Variants in SNTG1 observed in about 807,000 individuals in gnomAD.
The protein encoded by SNTG1 is syntrophin gamma 1, also known as gamma-1-syntrophin.
A neutral mutation model predicts 74.7 loss-of-function variants in SNTG1; 39 were observed. The ratio of observed to expected loss-of-function variants is 0.52; its 90% CI spans 0.40 to 0.68. SNTG1 has a LOEUF of 0.68. SNTG1 is among the 30% of genes least tolerant of loss of function. SNTG1 has a pLI of 0.00. For synonymous variants in SNTG1, 254 were observed against 217.1 expected (o/e 1.17, Z -1.49); for missense variants, 685 against 609.5 (o/e 1.12, Z -1.30).
intron 1 of SNTG1, among the ~76,000 whole-genome samples, chr8:49,985,196 G>C (rs1032232814): frequency 1.3e-5 from 2 of 152,076 alleles, no homozygotes; most frequent in African/African-American, 2.4e-5. Flanking sequence ...TTTTGAGACA[G>C]GGTCTCACTC....
intron 11 of SNTG1, among the ~76,000 whole-genome samples, chr8:50,548,168 G>A (rs1278744343): frequency 6.6e-6 from 1 of 152,164 alleles, no homozygotes; most frequent in Non-Finnish European, 1.5e-5. Flanking sequence ...TATTCATTTA[G>A]TTAAACTGGA....
chr8:50,510,929 G>C (rs113207415), intron 9 of SNTG1, among the ~76,000 whole-genome samples: 8,281 of 152,070 alleles, frequency 0.054, 428 homozygotes, highest in African/African-American at 0.13. Flanking sequence ...TTTCTGCTCT[G>C]ATCTTAGTTA....
intron 1 of SNTG1, among the ~76,000 whole-genome samples, chr8:49,962,419 A>G (rs971585058): frequency 1.3e-5 from 2 of 151,844 alleles, no homozygotes; most frequent in African/African-American, 4.8e-5. Flanking sequence ...TGTAATGGGC[A>G]GATGCTCACA....
intron 1 of SNTG1, among the ~76,000 whole-genome samples, chr8:50,089,102 C>T (rs1466833498): frequency 5.3e-5 from 8 of 151,246 alleles, no homozygotes; most frequent in Non-Finnish European, 8.9e-5. Flanking sequence ...AATAACGCCG[C>T]ATATCTACAA....
intron 1 of SNTG1, among the ~76,000 whole-genome samples, chr8:50,041,845 G>C (rs188332744): frequency 2.6e-5 from 4 of 152,290 alleles, no homozygotes; most frequent in East Asian, 3.9e-4. Flanking sequence ...ATTGGTTACT[G>C]TTCTTTCCTG....
chr8:50,625,011 CT>C (rs2094947682), intron 13 of SNTG1, among the ~76,000 whole-genome samples: 1 of 152,164 alleles, frequency 6.6e-6, no homozygotes, highest in Admixed American at 6.5e-5. Flanking sequence ...TTCAGCATTT[CT>C]TTTGCTCTTC....
chr8:50,671,843 A>G (rs995001605), intron 15 of SNTG1, among the ~76,000 whole-genome samples: 1 of 151,902 alleles, frequency 6.6e-6, no homozygotes, highest in Admixed American at 6.6e-5. Context: ...GCACATATAC[A>G]CCATGGAATA....
intron 1 of SNTG1, among the ~76,000 whole-genome samples, chr8:50,126,808 G>A (rs932451938): frequency 5.9e-5 from 9 of 152,028 alleles, no homozygotes; most frequent in African/African-American, 2.2e-4. Context: ...AAGCCCATGA[G>A]CTATATGGGC....
At chr8:49,938,296 G>C (rs1262043946) in intron 1 of SNTG1, among the ~76,000 whole-genome samples, 2 of 152,176 alleles carry the variant, frequency 1.3e-5, no homozygotes, top group African/African-American at 4.8e-5. Flanking sequence ...TCAGCTCAGT[G>C]TGTGCCAAGC....
Position 50,458,309 on chromosome 8 carries a change from C to T in SNTG1, c.363+7580C>T, listed in dbSNP as rs1288570725. 5 of 151,662 alleles carry T rather than the reference C, an allele frequency of 3.3e-5. No individual in the cohort carries two copies. The East Asian group carries it at 9.7e-4, about 29-fold the overall frequency. 9.4% of individuals were successfully genotyped at this position (151,662 alleles called of 1,614,324 possible). ...AAATTAATTTGTAAATGAATTAATGCTACCATTATATATAAAAGGAACATG... is the reference window on the plus strand; with the variant it reads ...AAATTAATTTGTAAATGAATTAATGTTACCATTATATATAAAAGGAACATG... On this transcript the variant is annotated intron_variant, in intron 8 of 18. Transcript: ENST00000642720.
intron 1 of SNTG1, among the ~76,000 whole-genome samples, chr8:50,065,105 G>A (rs1024031642): frequency 4.6e-5 from 7 of 152,106 alleles, no homozygotes; most frequent in African/African-American, 1.7e-4. Context: ...TAAGATTTAG[G>A]TTTTACATCA....
chr8:50,694,963 C>T (rs898145071), intron 15 of SNTG1, among the ~76,000 whole-genome samples: 15 of 150,566 alleles, frequency 1.0e-4, no homozygotes, highest in African/African-American at 3.7e-4. Context: ...ATATGACAAG[C>T]CAAAAGTCAA....
intron 1 of SNTG1, among the ~76,000 whole-genome samples, chr8:50,084,009 T>A (rs746519628): frequency 6.6e-6 from 1 of 152,218 alleles, no homozygotes; most frequent in Non-Finnish European, 1.5e-5. Flanking sequence ...GAGTTCTTCA[T>A]TCTTTTAGCA....
intron 8 of SNTG1, among the ~76,000 whole-genome samples, chr8:50,469,117 C>A (rs1201471085): frequency 6.6e-6 from 1 of 151,882 alleles, no homozygotes; most frequent in Non-Finnish European, 1.5e-5. Flanking sequence ...GAGCTTCAGA[C>A]TTGTGTCATT....
At chr8:50,248,329 A>G (rs1459482571) in intron 2 of SNTG1, among the ~76,000 whole-genome samples, 1 of 152,214 alleles carries the variant, frequency 6.6e-6, no homozygotes, top group African/African-American at 2.4e-5. Context: ...TGTCAAATAA[A>G]AGTGACAAGT....
intron 17 of SNTG1, among the ~76,000 whole-genome samples, chr8:50,742,294 A>AT (rs1456360446): frequency 2.0e-5 from 3 of 152,054 alleles, no homozygotes; most frequent in Non-Finnish European, 4.4e-5. Flanking sequence ...GTCATGATAG[A>AT]TTTTAAATGA....
chr8:50,055,554 C>T lies in SNTG1; in HGVS notation c.-102-117007C>T, dbSNP rs16914226. Among the ~76,000 whole-genome samples, 1,468 of 152,110 alleles carry T rather than the reference C, an allele frequency of 9.7e-3. 25 individuals are homozygous for T. Among genetic ancestry groups the T allele is most frequent in the African/African-American group, 0.033 (1,389 of 41,506 alleles). Reference sequence around the variant, plus strand: ...AGATGTCTTCTTATTCCTGTGTGGGCGAGTTTATTAACATCCCTGAATCTC... The same window carrying T: ...AGATGTCTTCTTATTCCTGTGTGGGTGAGTTTATTAACATCCCTGAATCTC... On this transcript the variant is annotated intron_variant, in intron 1 of 18. Coordinates refer to ENST00000642720, the MANE Select transcript of SNTG1 (RefSeq NM_018967.5).
At chr8:50,714,298 A>G (rs1212713201) in intron 17 of SNTG1, among the ~76,000 whole-genome samples, 3 of 152,056 alleles carry the variant, frequency 2.0e-5, no homozygotes, top group Non-Finnish European at 4.4e-5. Context: ...CTTTTTGGTT[A>G]GGATTGTCTT....
chr8:50,658,752 T>A, intron 15 of SNTG1, 89 bp downstream of exon 15: 1 of 788,008 alleles, frequency 1.3e-6, no homozygotes, highest in South Asian at 1.8e-5. Context: ...AAACAAATCA[T>A]TCATGGAATG....
Sources: allele counts gnomAD v4.1 joint callset (sites outside exome capture counted in the v4.1 genomes callset), GRCh38; gene constraint gnomAD v4.1.1; transcripts MANE v1.5; gene names NCBI Gene and HGNC (gene_info 2026-07-23, HGNC 2026-07-21).